The following EDIL3 variants were observed in gnomAD, a reference collection of about 807,000 sequenced individuals.
EDIL3 encodes EGF-like repeat and discoidin I-like domain-containing protein 3.
In EDIL3, 37 loss-of-function variants were observed where a neutral mutation model predicts 67.4. The observed-to-expected ratio is 0.55, with a 90% CI of 0.42 to 0.72. The LOEUF is 0.72. EDIL3 is among the 30% of genes least tolerant of loss of function. The pLI is 0.00. For synonymous variants in EDIL3, 195 were observed against 196.3 expected (o/e 0.99, Z 0.05); for missense variants, 527 against 586.3 (o/e 0.90, Z 1.04).
At chr5:84,074,146 T>C (rs919205165) in intron 6 of EDIL3, among the ~76,000 whole-genome samples, 1 of 151,672 alleles carries the variant, frequency 6.6e-6, no homozygotes, top group Non-Finnish European at 1.5e-5. Context: ...GCTAGCCATA[T>C]GTAGAAAGCG....
At chr5:84,127,448 G>C (rs892013614) in intron 5 of EDIL3, among the ~76,000 whole-genome samples, 1 of 152,030 alleles carries the variant, frequency 6.6e-6, no homozygotes, top group African/African-American at 2.4e-5. Flanking sequence ...TGGTTCTTTG[G>C]GGTTTAAGAT....
intron 9 of EDIL3, among the ~76,000 whole-genome samples, chr5:83,968,838 A>C (rs942854130): frequency 6.6e-6 from 1 of 151,952 alleles, no homozygotes; most frequent in African/African-American, 2.4e-5. Flanking sequence ...TGAGAATGGG[A>C]GGTAACATGA....
chr5:84,221,714 CA>C (rs1744345625), intron 3 of EDIL3, among the ~76,000 whole-genome samples: 1 of 151,812 alleles, frequency 6.6e-6, no homozygotes, highest in Non-Finnish European at 1.5e-5. Context: ...AATATTGTAG[CA>C]TTTTTTTGGT....
intron 1 of EDIL3, among the ~76,000 whole-genome samples, chr5:84,305,906 A>ATAGATAG (rs1561251735): frequency 1.3e-4 from 11 of 84,734 alleles, no homozygotes; most frequent in African/African-American, 2.8e-4. Flanking sequence ...TAAATAAATA[A>ATAGATAG]ATAAATAAAT....
At chr5:84,054,372 G>A (rs1746402617) in intron 9 of EDIL3, among the ~76,000 whole-genome samples, 1 of 152,100 alleles carries the variant, frequency 6.6e-6, no homozygotes, top group African/African-American at 2.4e-5. Context: ...GGCAAAAACT[G>A]GAAGCATTCC....
intron 1 of EDIL3, among the ~76,000 whole-genome samples, chr5:84,261,317 T>A (rs918536974): frequency 7.9e-5 from 12 of 152,206 alleles, no homozygotes; most frequent in African/African-American, 2.4e-4. Flanking sequence ...ATGTCATTTT[T>A]AAAAATCAAC....
chr5:84,180,284 G>A (rs1414594456), intron 4 of EDIL3, 109 bp downstream of exon 4: 1 of 1,258,108 alleles, frequency 7.9e-7, no homozygotes, highest in African/African-American at 1.5e-5. Flanking sequence ...CAAAGCCAGG[G>A]CTCTCTTCTG....
chr5:83,986,126 T>A (rs1350950356), intron 9 of EDIL3, among the ~76,000 whole-genome samples: 3 of 152,118 alleles, frequency 2.0e-5, no homozygotes, highest in African/African-American at 7.2e-5. Context: ...CCACTTTTTT[T>A]AATCTAATAA....
intron 2 of EDIL3, among the ~76,000 whole-genome samples, chr5:84,243,347 A>C (rs1744836041): frequency 2.0e-5 from 3 of 152,222 alleles, no homozygotes; most frequent in African/African-American, 4.8e-5. Context: ...AAGTAATGAA[A>C]TCTAACCTTG....
chr5:84,311,343 T>C (rs1746386115), intron 1 of EDIL3, among the ~76,000 whole-genome samples: 1 of 144,044 alleles, frequency 6.9e-6, no homozygotes, highest in African/African-American at 2.5e-5. Context: ...TTTTTTTACA[T>C]GCAGTATGAT....
chr5:84,133,604 G>A (rs1748036256), intron 5 of EDIL3, among the ~76,000 whole-genome samples: 1 of 151,836 alleles, frequency 6.6e-6, no homozygotes, highest in Non-Finnish European at 1.5e-5. Context: ...TCCAGCCTGG[G>A]CGACAGAGTG....
chr5:84,233,346 C>T (rs985097134), intron 2 of EDIL3, among the ~76,000 whole-genome samples: 7 of 152,136 alleles, frequency 4.6e-5, no homozygotes, highest in Non-Finnish European at 1.0e-4. Context: ...TGTAGATAAT[C>T]GCCACGAACA....
intron 9 of EDIL3, among the ~76,000 whole-genome samples, chr5:84,002,821 C>A (rs558009596): frequency 5.3e-5 from 8 of 152,292 alleles, no homozygotes; most frequent in African/African-American, 1.7e-4. Context: ...TGGTTATTTG[C>A]ACCTCTAGTA....
intron 6 of EDIL3, among the ~76,000 whole-genome samples, chr5:84,105,414 T>C (rs1445097106): frequency 1.3e-5 from 2 of 152,048 alleles, no homozygotes. Flanking sequence ...ACAAAGAAAG[T>C]ATCTGAAGGA....
intron 1 of EDIL3, among the ~76,000 whole-genome samples, chr5:84,377,721 C>A (rs1423606341): frequency 6.6e-6 from 1 of 152,162 alleles, no homozygotes; most frequent in Non-Finnish European, 1.5e-5. Flanking sequence ...CTTGGTCTTC[C>A]CATTTATGAA....
At chr5:84,331,675 G>A (rs1580082596) in intron 1 of EDIL3, among the ~76,000 whole-genome samples, 1 of 152,094 alleles carries the variant, frequency 6.6e-6, no homozygotes, top group African/African-American at 2.4e-5. Context: ...ACAGCAGCGT[G>A]AGATGAACTA....
At chr5:84,331,877 T>C (rs1746879575) in intron 1 of EDIL3, among the ~76,000 whole-genome samples, 1 of 152,128 alleles carries the variant, frequency 6.6e-6, no homozygotes, top group Non-Finnish European at 1.5e-5. Flanking sequence ...AAAAAAGAAG[T>C]AAATGCATTA....
At chr5:84,311,047 G>C (rs1746376944) in intron 1 of EDIL3, among the ~76,000 whole-genome samples, 1 of 151,780 alleles carries the variant, frequency 6.6e-6, no homozygotes, top group Admixed American at 6.6e-5. Flanking sequence ...GGATGAAGTA[G>C]TTTTCCTTCA....
At chr5:84,002,872 T>C (rs1262351125) in intron 9 of EDIL3, among the ~76,000 whole-genome samples, 1 of 152,144 alleles carries the variant, frequency 6.6e-6, no homozygotes, top group Non-Finnish European at 1.5e-5. Flanking sequence ...CAGTTTCTCT[T>C]CCCTGTGAAC....
Sources: gnomAD v4.1 joint callset for allele counts (sites outside exome capture counted in the v4.1 genomes callset) on GRCh38, gnomAD v4.1.1 for gene constraint, MANE v1.5 for transcripts, NCBI Gene and HGNC (gene_info 2026-07-23, HGNC 2026-07-21) for gene names.